The following NUBPL variants were observed in gnomAD, a reference collection of about 807,000 sequenced individuals.
NUBPL encodes NUBP iron-sulfur cluster assembly factor, mitochondrial, also known as iron-sulfur cluster transfer protein NUBPL.
In NUBPL, 31 loss-of-function variants were observed where a neutral mutation model predicts 45.7. The ratio of observed to expected loss-of-function variants is 0.68; its 90% CI spans 0.51 to 0.92. NUBPL has a LOEUF of 0.92. Ranked by LOEUF, NUBPL falls within the 40% of genes least tolerant of loss-of-function variation. The pLI, the probability that NUBPL is intolerant of heterozygous loss-of-function variation, is 0.00. For missense variants in NUBPL, 401 were observed against 398.7 expected, an observed-to-expected ratio of 1.01 and a Z score of -0.05; for synonymous variants, 144 against 140.9, an observed-to-expected ratio of 1.02 and a Z score of -0.15.
intron 4 of NUBPL, among the ~76,000 whole-genome samples, chr14:31,672,369 TTATG>T (rs1298579447): frequency 1.3e-5 from 2 of 152,022 alleles, no homozygotes; most frequent in South Asian, 2.1e-4. Flanking sequence ...ATTTATATGT[TTATG>T]TATCTTTGTA....
intron 6 of NUBPL, among the ~76,000 whole-genome samples, chr14:31,712,799 G>A (rs1370473711): frequency 6.6e-6 from 1 of 152,234 alleles, no homozygotes; most frequent in Admixed American, 6.5e-5. Context: ...TTAATCACGT[G>A]CAGCAGCTGA....
At position 31,666,238 on chromosome 14, in the gene NUBPL, TA is replaced by T. The variant is rs2036410605; in HGVS notation, c.383-7116del. ...CCCATTTATATTTAAGATATATATA[TA>T]TATATATATATATATATATATATAA... On this transcript the variant is annotated intron_variant, in intron 4 of 10. Coordinates refer to ENST00000281081, the MANE Select transcript of NUBPL (RefSeq NM_025152.3). 6.0e-4 allele frequency among the ~76,000 whole-genome samples: 12 copies of T among 19,946 alleles called. No individual in the cohort carries two copies. In the Admixed American group the frequency reaches 6.2e-3, roughly 10 times the overall value. The allele number at this position is 19,946 out of a possible 152,430, so 13.1% of individuals were successfully genotyped here. A position where few individuals can be genotyped will look rare whatever the true frequency, so the allele number is the denominator to read the frequency against.
At chr14:31,821,979 A>G (rs1279777926) in intron 7 of NUBPL, among the ~76,000 whole-genome samples, 1 of 152,198 alleles carries the variant, frequency 6.6e-6, no homozygotes, top group Non-Finnish European at 1.5e-5. Flanking sequence ...GGGATCTGAA[A>G]TTAAAACAAT....
intron 3 of NUBPL, among the ~76,000 whole-genome samples, chr14:31,574,582 C>CTTTTTTTT (rs71115022): frequency 3.0e-5 from 2 of 66,902 alleles, no homozygotes; most frequent in African/African-American, 6.3e-5. Context: ...TTCTTTCCTT[C>CTTTTTTTT]TTTTTTTTTT....
intron 8 of NUBPL, among the ~76,000 whole-genome samples, chr14:31,838,592 T>C (rs2040321397): frequency 6.6e-6 from 1 of 152,182 alleles, no homozygotes; most frequent in South Asian, 2.1e-4. Flanking sequence ...GGAGGATATA[T>C]AGGGAAACTT....
In NUBPL at chr14:31,718,576, TA is replaced by T. The variant is rs535265674; in HGVS notation, c.513+45009del. On this transcript the variant is annotated intron_variant, in intron 6 of 10. Transcript: ENST00000281081. Reference sequence around the variant, plus strand: ...TACAGCAAAGTGATTAAAATTGTAGTAAAAAAATTCTATTAATTTTCCATTT... The same window carrying T: ...TACAGCAAAGTGATTAAAATTGTAGTAAAAAATTCTATTAATTTTCCATTT... 2.6e-4 allele frequency among the ~76,000 whole-genome samples: 40 copies of T among 152,266 alleles called. No individual in the cohort carries two copies. In the South Asian group the frequency reaches 8.3e-3, roughly 32 times the overall value.
chr14:31,667,608 G>C (rs1446513921), intron 4 of NUBPL, among the ~76,000 whole-genome samples: 1 of 152,058 alleles, frequency 6.6e-6, no homozygotes, highest in Non-Finnish European at 1.5e-5. Flanking sequence ...GAGGAGTTGT[G>C]ATTACTTGGA....
intron 6 of NUBPL, among the ~76,000 whole-genome samples, chr14:31,755,579 T>C (rs1450106446): frequency 6.6e-6 from 1 of 151,834 alleles, no homozygotes; most frequent in Non-Finnish European, 1.5e-5. Context: ...TTTGAGTTCA[T>C]TGTAGATTCT....
chr14:31,626,443 T>G (rs1273650798), intron 4 of NUBPL, among the ~76,000 whole-genome samples: 2 of 152,184 alleles, frequency 1.3e-5, no homozygotes, highest in African/African-American at 4.8e-5. Context: ...CCTGGCCCAC[T>G]GTTTAGCTTT....
intron 4 of NUBPL, among the ~76,000 whole-genome samples, chr14:31,605,884 T>TC (rs2034578393): frequency 6.8e-6 from 1 of 146,102 alleles, no homozygotes; most frequent in African/African-American, 2.6e-5. Flanking sequence ...TTCTTCCTCC[T>TC]CCTTGTCTCC....
At chr14:31,682,432 C>T (rs1010479605) in intron 6 of NUBPL, among the ~76,000 whole-genome samples, 1 of 151,998 alleles carries the variant, frequency 6.6e-6, no homozygotes, top group African/African-American at 2.4e-5. Flanking sequence ...CTCTTGATTT[C>T]AACATTTAGT....
intron 6 of NUBPL, among the ~76,000 whole-genome samples, chr14:31,679,135 C>G (rs1398480496): frequency 6.6e-6 from 1 of 152,202 alleles, no homozygotes; most frequent in Non-Finnish European, 1.5e-5. Context: ...CACACAGATT[C>G]TCTGTGCCAC....
chr14:31,666,825 G>A (rs1043188246), intron 4 of NUBPL, among the ~76,000 whole-genome samples: 3 of 152,020 alleles, frequency 2.0e-5, no homozygotes, highest in Non-Finnish European at 2.9e-5. Flanking sequence ...TAGTTTGGCC[G>A]TATATGAAAT....
At chr14:31,561,715 C>G in intron 1 of NUBPL, 168 bp downstream of exon 1, 2 of 548,474 alleles carry the variant, frequency 3.6e-6, no homozygotes, top group Non-Finnish European at 6.3e-6. Flanking sequence ...CGTGGCGGGA[C>G]TTGAAACACA....
chr14:31,707,535 G>A (rs1224986185), intron 6 of NUBPL, among the ~76,000 whole-genome samples: 5 of 152,070 alleles, frequency 3.3e-5, no homozygotes, highest in African/African-American at 1.2e-4. Context: ...AGTATAGAGG[G>A]GCCTGGCTAT....
At chr14:31,713,571 G>A (rs558930847) in intron 6 of NUBPL, among the ~76,000 whole-genome samples, 38 of 152,302 alleles carry the variant, frequency 2.5e-4, no homozygotes, top group Admixed American at 5.2e-4. Flanking sequence ...CGCTTGGGCT[G>A]CTGGGTGCTG....
Position 31,843,930 on chromosome 14 carries a change from C to T in NUBPL, c.694-2541C>T, listed in dbSNP as rs146927785. ...ATTTCCTCCAATTACAGTACAAGCT[C>T]CAAAGGGTAAGGATCAAGTCTGTTT... On this transcript the variant is annotated intron_variant, in intron 8 of 10. Coordinates refer to ENST00000281081, the MANE Select transcript of NUBPL (RefSeq NM_025152.3). 77 of 152,290 alleles carry T rather than the reference C, an allele frequency of 5.1e-4. 1 individual carries two copies. Among genetic ancestry groups the T allele is most frequent in the African/African-American group, 1.8e-3 (75 of 41,568 alleles). The allele number at this position is 152,290 out of a possible 1,614,324, so 9.4% of individuals were successfully genotyped here.
chr14:31,635,169 C>G (rs2035455822), intron 4 of NUBPL, among the ~76,000 whole-genome samples: 1 of 150,986 alleles, frequency 6.6e-6, no homozygotes, highest in African/African-American at 2.4e-5. Flanking sequence ...TTGCCCATGC[C>G]TGTGTCCTGA....
intron 3 of NUBPL, among the ~76,000 whole-genome samples, chr14:31,581,431 T>C (rs958184333): frequency 6.6e-6 from 1 of 152,158 alleles, no homozygotes; most frequent in Non-Finnish European, 1.5e-5. Flanking sequence ...TAATCTACTT[T>C]CTGTCTCATG....
Sources: gnomAD v4.1 joint callset for allele counts (sites outside exome capture counted in the v4.1 genomes callset) on GRCh38, gnomAD v4.1.1 for gene constraint, MANE v1.5 for transcripts, NCBI Gene and HGNC (gene_info 2026-07-23, HGNC 2026-07-21) for gene names.